Variants in PPM1H observed in about 807,000 individuals in gnomAD.
The protein encoded by PPM1H is protein phosphatase, Mg2+/Mn2+ dependent 1H.
In PPM1H, 27 loss-of-function variants were observed where a neutral mutation model predicts 54.9. The observed-to-expected ratio is 0.49, with a 90% CI of 0.36 to 0.68. The LOEUF is 0.68. Among genes scored for constraint, PPM1H ranks in the 30% least tolerant of loss-of-function variants. The pLI, the probability that PPM1H is intolerant of heterozygous loss-of-function variation, is 0.00. For missense variants in PPM1H, 596 were observed against 667.8 expected (o/e 0.89, Z 1.19); for synonymous variants, 305 against 270.8 (o/e 1.13, Z -1.24).
At position 62,934,799 on chromosome 12, in the gene PPM1H, G is replaced by C; in HGVS notation, c.-63C>G. 1 of 1,390,624 alleles carries C rather than the reference G, an allele frequency of 7.2e-7. No individual in the cohort carries two copies. The highest frequency in any genetic ancestry group is 9.3e-7 in the Non-Finnish European group (1 of 1,069,952). The allele number at this position is 1,390,624 out of a possible 1,614,324, so 86.1% of individuals were successfully genotyped here. ...GGCGGCGGGGGCCGGGCAAGGCGCA[G>C]CGCGGGGCATGCAGGCTGCGGTGGG... On this transcript the variant is annotated 5_prime_UTR_variant, in exon 1 of 10. Coordinates refer to ENST00000228705, the MANE Select transcript of PPM1H (RefSeq NM_020700.2). The surrounding 1 kb of genome is among the most constrained non-coding windows in gnomAD (Gnocchi z 4.2).
intron 1 of PPM1H, among the ~76,000 whole-genome samples, chr12:62,919,955 A>T (rs1871741465): frequency 6.6e-6 from 1 of 151,388 alleles, no homozygotes; most frequent in Non-Finnish European, 1.5e-5. Context: ...CACCAAGATT[A>T]AAAAAAAATA....
In PPM1H at chr12:62,655,094, CCACAGGAGA is replaced by C. The variant is rs202033885; in HGVS notation, c.1398-6467_1398-6459del. On this transcript the variant is annotated intron_variant, in intron 9 of 9. Transcript: ENST00000228705. ...CCAGCTTCCTGACATTCCCTTCATG[CCACAGGAGA>C]CCAGCATTGCAGTGAAACTCAGCAA... Among the ~76,000 whole-genome samples the C allele has an allele frequency of 1.2e-3, 179 of 152,290 alleles. 1 individual carries two copies. The East Asian group carries it at 0.032, about 27-fold the overall frequency.
rs1004153304 is a variant in PPM1H, at chr12:62,844,468, T to C, written c.246-12189A>G. 6.6e-5 allele frequency among the ~76,000 whole-genome samples: 10 copies of C among 152,248 alleles called. No homozygotes were observed. Among genetic ancestry groups the C allele is most frequent in the African/African-American group, 2.4e-4 (10 of 41,468 alleles). ...TGCATGCTACATGATTCAGGCTACG[T>C]AGCCACATTCCCCTCAAGGCTCAAG... is the stretch of plus-strand genomic sequence containing the variant. On this transcript the variant is annotated intron_variant, in intron 1 of 9. Coordinates refer to ENST00000228705, the MANE Select transcript of PPM1H (RefSeq NM_020700.2). The surrounding 1 kb of genome is among the most constrained non-coding windows in gnomAD (Gnocchi z 5.2).
At position 62,646,118 on chromosome 12, in the gene PPM1H, T is replaced by TCTAA. The variant is rs1223945385; in HGVS notation, c.*2367_*2370dup. On this transcript the variant is annotated 3_prime_UTR_variant, in exon 10 of 10. Coordinates refer to ENST00000228705, the MANE Select transcript of PPM1H (RefSeq NM_020700.2). ...CCTGAACACAAACTTGACTTTATCT[T>TCTAA]CTAACTAAGATCTTTCCACTCAAGG... The TCTAA allele has an allele frequency of 2.0e-5, 3 of 152,210 alleles. No individual in the cohort carries two copies. The highest frequency in any genetic ancestry group is 4.4e-5 in the Non-Finnish European group (3 of 68,044). The allele number at this position is 152,210 out of a possible 1,614,324, so 9.4% of individuals were successfully genotyped here. A position where few individuals can be genotyped will look rare whatever the true frequency, so the allele number is the denominator to read the frequency against.
chr12:62,752,904 GAGACGAGCAGA>G (rs2076449801), intron 4 of PPM1H, among the ~76,000 whole-genome samples: 1 of 152,204 alleles, frequency 6.6e-6, no homozygotes, highest in Non-Finnish European at 1.5e-5. Context: ...TAACACAGGA[GAGACGAGCAGA>G]AGAGTTGGTC....
intron 1 of PPM1H, among the ~76,000 whole-genome samples, chr12:62,875,732 T>C (rs1225627528): frequency 2.0e-5 from 3 of 152,192 alleles, no homozygotes; most frequent in African/African-American, 7.2e-5. Context: ...AAAAGAGCAC[T>C]GGGCTGGTTC....
At chr12:62,882,946 C>T (rs1204722799) in intron 1 of PPM1H, among the ~76,000 whole-genome samples, 1 of 152,030 alleles carries the variant, frequency 6.6e-6, no homozygotes, top group Admixed American at 6.5e-5. Flanking sequence ...ATCTGTTTAG[C>T]AAAGGCCTAT....
chr12:62,922,772 A>G (rs1871841267), intron 1 of PPM1H, among the ~76,000 whole-genome samples: 1 of 152,200 alleles, frequency 6.6e-6, no homozygotes, highest in Non-Finnish European at 1.5e-5. Flanking sequence ...TTAGTGGACA[A>G]TCTCTACTTC....
At chr12:62,747,044 T>C (rs572244648) in intron 4 of PPM1H, among the ~76,000 whole-genome samples, 1 of 152,322 alleles carries the variant, frequency 6.6e-6, no homozygotes, top group East Asian at 1.9e-4. Flanking sequence ...TCTGGCCTCC[T>C]GGGCTCAGGT....
rs567775927 is a variant in PPM1H at position 62,673,715 on chromosome 12, C to CTTTTTTTTTTTTTTTTTTTTTT, written c.1246-6408_1246-6387dup. On this transcript the variant is annotated intron_variant, in intron 8 of 9. Transcript: ENST00000228705. The stretch of plus-strand genomic sequence containing the variant: ...GCTTTGTGACTTGAGAAGAGCCACT[C>CTTTTTTTTTTTTTTTTTTTTTT]TTTTTTTTTTTTTTTTTTTTTTTTT... Among the ~76,000 whole-genome samples the CTTTTTTTTTTTTTTTTTTTTTT allele has an allele frequency of 1.9e-3, 81 of 41,966 alleles. 22 individuals carry two copies. The highest frequency in any genetic ancestry group is 4.7e-3 in the East Asian group (7 of 1,488). The allele number at this position is 41,966 out of a possible 152,430, so 27.5% of individuals were successfully genotyped here. A position where few individuals can be genotyped will look rare whatever the true frequency, so the allele number is the denominator to read the frequency against.
At chr12:62,714,126 G>A (rs892731377) in intron 6 of PPM1H, among the ~76,000 whole-genome samples, 1 of 152,144 alleles carries the variant, frequency 6.6e-6, no homozygotes, top group Non-Finnish European at 1.5e-5. Flanking sequence ...TGATGATGGA[G>A]ACGTTCTATA....
chr12:62,928,513 A>G (rs1479906090), intron 1 of PPM1H, among the ~76,000 whole-genome samples: 1 of 152,188 alleles, frequency 6.6e-6, no homozygotes, highest in East Asian at 1.9e-4. Context: ...TCACAGTTAA[A>G]TAACTGCAGT....
intron 1 of PPM1H, among the ~76,000 whole-genome samples, chr12:62,928,246 A>G (rs538533465): frequency 6.6e-6 from 1 of 152,372 alleles, no homozygotes; most frequent in Admixed American, 6.5e-5. Flanking sequence ...ATCAAATGCT[A>G]TACCGTTCTT....
At position 62,903,193 on chromosome 12, in the gene PPM1H, A is replaced by T. The variant is rs981716920; in HGVS notation, c.245+31299T>A. On this transcript the variant is annotated intron_variant, in intron 1 of 9. Coordinates refer to ENST00000228705, the MANE Select transcript of PPM1H (RefSeq NM_020700.2). ...ATTCCAAGTTTTTCCCATTTGAAGT[A>T]GCTGGTGCAGTTCATTTCTTTAGAC... is the stretch of plus-strand genomic sequence containing the variant. 8.5e-5 allele frequency among the ~76,000 whole-genome samples: 13 copies of T among 152,160 alleles called. No individual in the cohort carries two copies. In the South Asian group the frequency reaches 1.0e-3, roughly 12 times the overall value.
chr12:62,907,778 C>G (rs1871343316), intron 1 of PPM1H, among the ~76,000 whole-genome samples: 1 of 152,146 alleles, frequency 6.6e-6, no homozygotes, highest in African/African-American at 2.4e-5. Context: ...GCTCTCCATA[C>G]CAGCCTGCAC....
chr12:62,749,697 T>C (rs2076430791), intron 4 of PPM1H, among the ~76,000 whole-genome samples: 1 of 152,348 alleles, frequency 6.6e-6, no homozygotes, highest in South Asian at 2.1e-4. Context: ...TAAATAAGTC[T>C]GCAAATACGA....
intron 6 of PPM1H, among the ~76,000 whole-genome samples, chr12:62,694,983 G>A (rs2076105913): frequency 6.6e-6 from 1 of 152,174 alleles, no homozygotes; most frequent in Non-Finnish European, 1.5e-5. Context: ...GATAGGGTAG[G>A]TTCTGCTGAA....
At chr12:62,872,500 G>A (rs12369467) in intron 1 of PPM1H, among the ~76,000 whole-genome samples, 26,741 of 152,140 alleles carry the variant, frequency 0.18, 2,580 homozygotes, top group African/African-American at 0.26. Context: ...GCTTAAAATC[G>A]ATTGATGTCA....
chr12:62,719,571 G>A (rs913023285), intron 6 of PPM1H, among the ~76,000 whole-genome samples: 16 of 152,150 alleles, frequency 1.1e-4, no homozygotes, highest in Non-Finnish European at 1.5e-4. Context: ...TCCTAGAAAT[G>A]TTCTTGATGC....
Sources: gnomAD v4.1 joint callset for allele counts (sites outside exome capture counted in the v4.1 genomes callset) on GRCh38, gnomAD v4.1.1 for gene constraint, Gnocchi (gnomAD v3.1) non-coding constraint, MANE v1.5 for transcripts, NCBI Gene and HGNC (gene_info 2026-07-23, HGNC 2026-07-21) for gene names.